The following SDK1 variants were observed in gnomAD, a reference collection of about 807,000 sequenced individuals.
SDK1 encodes the protein protein sidekick-1.
In SDK1, 157 loss-of-function variants were observed where a neutral mutation model predicts 245.5. That is an observed-to-expected ratio of 0.64 (90% CI 0.56 to 0.73). The LOEUF is 0.73. Ranked by LOEUF, SDK1 falls within the 30% of genes least tolerant of loss-of-function variation. The pLI is 0.00. For synonymous variants in SDK1, 1,647 were observed against 1,278.5 expected (o/e 1.29, Z -6.15); for missense variants, 3,583 against 3,002.3 (o/e 1.19, Z -4.52).
chr7:3,707,804 C>T (rs145904824), intron 4 of SDK1, among the ~76,000 whole-genome samples: 32 of 152,124 alleles, frequency 2.1e-4, no homozygotes, highest in African/African-American at 7.5e-4. Flanking sequence ...ACATAATGAC[C>T]TTTTGTGTCT....
At chr7:4,126,459 C>T (rs1225832432) in intron 25 of SDK1, among the ~76,000 whole-genome samples, 1 of 152,200 alleles carries the variant, frequency 6.6e-6, no homozygotes. Flanking sequence ...TGGTGGCTCA[C>T]GCCTGTAATC....
chr7:3,714,515 C>G lies in SDK1; in HGVS notation c.713+72410C>G, dbSNP rs555937201. ...TTTATCCCATTTGCTCATTTCACAT[C>G]AGTCCTTTAAGTGCTTTGCATTTTG... On this transcript the variant is annotated intron_variant, in intron 4 of 44. Coordinates refer to ENST00000404826, the MANE Select transcript of SDK1 (RefSeq NM_152744.4). Among the ~76,000 whole-genome samples, 3 of 152,298 alleles carry G rather than the reference C, an allele frequency of 2.0e-5. No individual in the cohort carries two copies. In the South Asian group the frequency reaches 6.2e-4, roughly 32 times the overall value.
chr7:4,163,714 C>A (rs891514371), intron 32 of SDK1, among the ~76,000 whole-genome samples: 1 of 152,114 alleles, frequency 6.6e-6, no homozygotes, highest in African/African-American at 2.4e-5. Context: ...TGGGCATGGT[C>A]TTGAGGTGCG....
chr7:4,237,133 C>T (rs2128236966), intron 41 of SDK1, among the ~76,000 whole-genome samples: 1 of 152,230 alleles, frequency 6.6e-6, no homozygotes, highest in East Asian at 1.9e-4. Context: ...CTTAAGCCAT[C>T]CTCCCACCTC....
intron 1 of SDK1, among the ~76,000 whole-genome samples, chr7:3,495,049 C>G (rs1781982355): frequency 6.6e-6 from 1 of 152,108 alleles, no homozygotes; most frequent in South Asian, 2.1e-4. Flanking sequence ...CAATTTGTCT[C>G]TCTAAAGTGC....
Position 3,660,296 on chromosome 7 carries a change from C to A in SDK1, c.713+18191C>A, listed in dbSNP as rs537161409. Among the ~76,000 whole-genome samples, 80 of 151,784 alleles carry A rather than the reference C, an allele frequency of 5.3e-4. 3 individuals are homozygous for A. The South Asian group carries it at 0.016, about 30-fold the overall frequency. On this transcript the variant is annotated intron_variant, in intron 4 of 44. Coordinates refer to ENST00000404826, the MANE Select transcript of SDK1 (RefSeq NM_152744.4). Reference sequence around the variant, plus strand: ...ATGGGGTAGCCAGGAGGGCCCAATACCATGGACCACCAAGAAGAGAGCTTT... The same window carrying A: ...ATGGGGTAGCCAGGAGGGCCCAATAACATGGACCACCAAGAAGAGAGCTTT...
chr7:3,451,630 T>C (rs1780517449), intron 1 of SDK1, among the ~76,000 whole-genome samples: 1 of 152,214 alleles, frequency 6.6e-6, no homozygotes, highest in African/African-American at 2.4e-5. Context: ...AGGATTTACA[T>C]GTAACATAGG....
intron 22 of SDK1, among the ~76,000 whole-genome samples, chr7:4,108,107 G>A (rs1218960961): frequency 2.0e-5 from 3 of 152,102 alleles, no homozygotes; most frequent in East Asian, 1.9e-4. Context: ...TGAGATCCCC[G>A]GATCGTGAAG....
At chr7:3,960,742 T>A (rs1255563713) in intron 8 of SDK1, among the ~76,000 whole-genome samples, 1 of 152,148 alleles carries the variant, frequency 6.6e-6, no homozygotes. Context: ...TGATTCGGCA[T>A]AGGGGAGGGG....
At chr7:3,636,452 A>T (rs929920559) in intron 2 of SDK1, among the ~76,000 whole-genome samples, 2 of 152,172 alleles carry the variant, frequency 1.3e-5, no homozygotes, top group Admixed American at 1.3e-4. Flanking sequence ...TATAAGTGGT[A>T]TCAGGTAGGA....
At chr7:3,673,710 A>G (rs552570404) in intron 4 of SDK1, among the ~76,000 whole-genome samples, 3 of 152,138 alleles carry the variant, frequency 2.0e-5, no homozygotes, top group Non-Finnish European at 4.4e-5. Context: ...GGAGGGCCCA[A>G]AACTGCGCCC....
At chr7:3,333,332 A>C (rs1216607490) in intron 1 of SDK1, among the ~76,000 whole-genome samples, 3 of 152,176 alleles carry the variant, frequency 2.0e-5, no homozygotes, top group African/African-American at 7.2e-5. Flanking sequence ...AGTACATACA[A>C]ATGGTGTATG....
At chr7:3,573,866 A>G (rs1377549537) in intron 1 of SDK1, among the ~76,000 whole-genome samples, 1 of 150,978 alleles carries the variant, frequency 6.6e-6, no homozygotes, top group Non-Finnish European at 1.5e-5. Flanking sequence ...TCATTAAAAA[A>G]TAAATAAATA....
At chr7:3,848,145 A>T (rs1780327810) in intron 5 of SDK1, among the ~76,000 whole-genome samples, 1 of 152,272 alleles carries the variant, frequency 6.6e-6, no homozygotes, top group Non-Finnish European at 1.5e-5. Flanking sequence ...CTTATGACAC[A>T]GTTGATCAGG....
At chr7:3,889,911 C>T (rs1201731434) in intron 5 of SDK1, among the ~76,000 whole-genome samples, 2 of 152,194 alleles carry the variant, frequency 1.3e-5, no homozygotes, top group African/African-American at 4.8e-5. Flanking sequence ...TTTGTGAACT[C>T]TTGAGAACCT....
At chr7:3,875,890 C>T (rs749732178) in intron 5 of SDK1, among the ~76,000 whole-genome samples, 6 of 152,062 alleles carry the variant, frequency 3.9e-5, no homozygotes, top group Non-Finnish European at 8.8e-5. Context: ...CTGGTGTCCC[C>T]TCCTTAACTC....
intron 1 of SDK1, among the ~76,000 whole-genome samples, chr7:3,365,946 G>A (rs1335050149): frequency 1.3e-5 from 2 of 152,040 alleles, no homozygotes; most frequent in South Asian, 2.1e-4. Flanking sequence ...GGCTGAGGCA[G>A]GAGAATTGCT....
chr7:3,873,503 T>A (rs1020357807), intron 5 of SDK1, among the ~76,000 whole-genome samples: 3 of 152,174 alleles, frequency 2.0e-5, no homozygotes, highest in African/African-American at 7.2e-5. Flanking sequence ...TTTTGGAAAA[T>A]CCTAGCCCAT....
intron 5 of SDK1, among the ~76,000 whole-genome samples, chr7:3,924,996 C>T (rs758182833): frequency 5.9e-5 from 9 of 152,190 alleles, no homozygotes; most frequent in Admixed American, 1.3e-4. Flanking sequence ...CTGGGACCTG[C>T]AAGGTCCAGA....
Sources: gnomAD v4.1 joint callset for allele counts (sites outside exome capture counted in the v4.1 genomes callset) on GRCh38, gnomAD v4.1.1 for gene constraint, MANE v1.5 for transcripts, NCBI Gene and HGNC (gene_info 2026-07-23, HGNC 2026-07-21) for gene names.